The following RAPGEF4 variants were observed in gnomAD, a reference collection of about 807,000 sequenced individuals.
RAPGEF4 encodes the protein RAP guanine-nucleotide-exchange factor (GEF) 4.
A neutral mutation model predicts 147.9 loss-of-function variants in RAPGEF4; 66 were observed. That is an observed-to-expected ratio of 0.45 (90% CI 0.37 to 0.55). The LOEUF is 0.55. Ranked by LOEUF, RAPGEF4 falls within the 20% of genes least tolerant of loss-of-function variation. The probability of loss-of-function intolerance (pLI) is 0.00; values close to 1 mark genes in which losing one functional copy is unlikely to be tolerated. For synonymous variants in RAPGEF4, 419 were observed against 442.7 expected (o/e 0.95, Z 0.67); for missense variants, 1,071 against 1,257.3 (o/e 0.85, Z 2.24).
At chr2:172,920,885 C>A (rs1000436851) in intron 5 of RAPGEF4, among the ~76,000 whole-genome samples, 1 of 152,112 alleles carries the variant, frequency 6.6e-6, no homozygotes, top group Non-Finnish European at 1.5e-5. Flanking sequence ...CTTCCTCTTT[C>A]TGACAGACCT....
In RAPGEF4 at chr2:173,036,611, C is replaced by T. The variant is rs780303209; in HGVS notation, c.2789-17C>T. On this transcript the variant is annotated splice_polypyrimidine_tract_variant and intron_variant, in intron 28 of 30. Transcript: ENST00000397081. ...ATTTCCATTAGTGATTAGAATGTGG[C>T]TTTTATTTCTTTACAGATATGACAT... is the stretch of plus-strand genomic sequence containing the variant. 1 of 1,582,276 alleles carries T rather than the reference C, an allele frequency of 6.3e-7. No individual in the cohort carries two copies. The highest frequency in any genetic ancestry group is 1.8e-5 in the Admixed American group (1 of 55,724).
chr2:172,913,063 T>C (rs566911312), intron 4 of RAPGEF4, among the ~76,000 whole-genome samples: 1 of 152,178 alleles, frequency 6.6e-6, no homozygotes, highest in Admixed American at 6.5e-5. Context: ...GCCTGGCTCA[T>C]TTTTGTATTG....
chr2:172,991,011 T>C (rs533466892), intron 15 of RAPGEF4, 86 bp downstream of exon 15: 1 of 1,038,006 alleles, frequency 9.6e-7, no homozygotes, highest in South Asian at 1.4e-5. Flanking sequence ...CATGTTCTCC[T>C]TTTTTGTGGA....
intron 1 of RAPGEF4, among the ~76,000 whole-genome samples, chr2:172,749,537 G>A (rs1489609861): frequency 1.3e-5 from 2 of 152,208 alleles, no homozygotes; most frequent in Non-Finnish European, 2.9e-5. Context: ...CACACAGCAG[G>A]GGGGCCCTGG....
At chr2:172,744,378 A>G (rs749636623) in intron 1 of RAPGEF4, 23 of 456,214 alleles carry the variant, frequency 5.0e-5, no homozygotes, top group Admixed American at 2.8e-4. Flanking sequence ...TTGTTTTCAC[A>G]TCTTCAAATG....
chr2:172,810,277 A>G (rs1032436997), intron 3 of RAPGEF4, among the ~76,000 whole-genome samples: 1 of 152,238 alleles, frequency 6.6e-6, no homozygotes, highest in Non-Finnish European at 1.5e-5. Context: ...TTGCTGGATC[A>G]TGTTAGTAAG....
chr2:172,746,732 C>CCT (rs1694810615), intron 1 of RAPGEF4, among the ~76,000 whole-genome samples: 2 of 152,014 alleles, frequency 1.3e-5, no homozygotes, highest in African/African-American at 4.8e-5. Flanking sequence ...CCTGCCCCAG[C>CCT]CTCCCCAGTA....
intron 10 of RAPGEF4, among the ~76,000 whole-genome samples, chr2:172,975,778 G>C (rs1391892247): frequency 1.3e-5 from 2 of 152,194 alleles, no homozygotes; most frequent in Non-Finnish European, 2.9e-5. Flanking sequence ...TCAAAGGCAA[G>C]CAGTTATACT....
At chr2:172,788,623 A>T (rs1259151104) in intron 1 of RAPGEF4, among the ~76,000 whole-genome samples, 2 of 152,186 alleles carry the variant, frequency 1.3e-5, no homozygotes, top group Non-Finnish European at 2.9e-5. Flanking sequence ...GTGGTGGCTC[A>T]CATGTAATTG....
At chr2:172,900,814 CTAA>C (rs1255258974) in intron 4 of RAPGEF4, among the ~76,000 whole-genome samples, 6 of 152,146 alleles carry the variant, frequency 3.9e-5, no homozygotes, top group African/African-American at 1.4e-4. Flanking sequence ...CCTTTTAACA[CTAA>C]TAATAATACT....
chr2:172,789,190 C>T (rs1280091644), intron 1 of RAPGEF4, among the ~76,000 whole-genome samples: 2 of 152,168 alleles, frequency 1.3e-5, no homozygotes, highest in East Asian at 3.9e-4. Flanking sequence ...CAGGCCCAAC[C>T]AGGAAAACCT....
At position 172,990,863 on chromosome 2, in the gene RAPGEF4, G is replaced by T. The variant is rs753779396; in HGVS notation, c.1428G>T (p.Val476=). 1 of 1,614,088 alleles carries T rather than the reference G, an allele frequency of 6.2e-7. No individual in the cohort carries two copies. Among genetic ancestry groups the T allele is most frequent in the Non-Finnish European group, 8.5e-7 (1 of 1,179,976 alleles). ...AAGAACATGACCAAGATGTCTTGGT[G>T]CTGGAGAAGGTCCCAGCAGGGAACA... ...RLKEHDQDVL[V]LEKVPAGNRA... is the part of the protein sequence containing the mutation. The change falls in exon 15 of 31, where the codon GTG becomes GTT. Residue 476 remains valine, a synonymous_variant. Coordinates refer to ENST00000397081, the MANE Select transcript of RAPGEF4 (RefSeq NM_007023.4).
At position 173,051,640 on chromosome 2, in the gene RAPGEF4, A is replaced by T. The variant is rs756350318; in HGVS notation, c.2909A>T (p.Asn970Ile). 6.2e-7 allele frequency: 1 copy of T among 1,613,628 alleles called. No homozygotes were observed. Among genetic ancestry groups the T allele is most frequent in the Non-Finnish European group, 8.5e-7 (1 of 1,179,628 alleles). ...ATTCTGCCCTTTCCTCTTTCAACAG[A>T]TCCTGATGCAGCTCAAGCTAATAAG... is the stretch of plus-strand genomic sequence containing the variant. ...TVRYYRSQPF[N>I]PDAAQANKNH... The change falls in exon 31 of 31, where the codon AAT (asparagine) becomes ATT (isoleucine). Residue 970 changes from asparagine to isoleucine, a missense_variant and splice_region_variant. Coordinates refer to ENST00000397081, the MANE Select transcript of RAPGEF4 (RefSeq NM_007023.4).
intron 6 of RAPGEF4, among the ~76,000 whole-genome samples, chr2:172,947,822 C>T (rs1423089867): frequency 1.3e-5 from 2 of 151,942 alleles, no homozygotes; most frequent in Non-Finnish European, 2.9e-5. Flanking sequence ...AATATATATA[C>T]ATAGAATATA....
At chr2:172,926,807 T>C (rs1685415946) in intron 6 of RAPGEF4, among the ~76,000 whole-genome samples, 1 of 152,192 alleles carries the variant, frequency 6.6e-6, no homozygotes, top group African/African-American at 2.4e-5. Flanking sequence ...CTTGACCTTG[T>C]GATCTGCCCG....
intron 26 of RAPGEF4, among the ~76,000 whole-genome samples, chr2:173,031,793 G>A (rs1559199327): frequency 6.6e-6 from 1 of 152,184 alleles, no homozygotes; most frequent in Non-Finnish European, 1.5e-5. Flanking sequence ...CTGAAAAGAG[G>A]AAATTATCCT....
In RAPGEF4 at chr2:172,905,340, C is replaced by G. The variant is rs543289657; in HGVS notation, c.445-12462C>G. On this transcript the variant is annotated intron_variant, in intron 4 of 30. Coordinates refer to ENST00000397081, the MANE Select transcript of RAPGEF4 (RefSeq NM_007023.4). ...GTCCACCATAACTCCTCTGTCACCC[C>G]CCAGCAGGCATGCAGTCAATATTTG... Among the ~76,000 whole-genome samples, 12 of 152,312 alleles carry G rather than the reference C, an allele frequency of 7.9e-5. No homozygotes were observed. In the South Asian group the frequency reaches 1.4e-3, roughly 18 times the overall value.
At chr2:172,993,617 C>A (rs182517399) in intron 15 of RAPGEF4, among the ~76,000 whole-genome samples, 1 of 152,130 alleles carries the variant, frequency 6.6e-6, no homozygotes, top group Admixed American at 6.5e-5. Context: ...TTCAAGTGGT[C>A]CTGACCTCAT....
intron 1 of RAPGEF4, among the ~76,000 whole-genome samples, chr2:172,787,186 T>G (rs2149525023): frequency 6.6e-6 from 1 of 152,168 alleles, no homozygotes; most frequent in African/African-American, 2.4e-5. Context: ...CGCTGCAGCC[T>G]GGGGGACAGA....
Sources: allele counts gnomAD v4.1 joint callset (sites outside exome capture counted in the v4.1 genomes callset), GRCh38; gene constraint gnomAD v4.1.1; transcripts MANE v1.5; gene names NCBI Gene and HGNC (gene_info 2026-07-23, HGNC 2026-07-21).